The following NFKBIZ variants were observed in gnomAD, a reference collection of about 807,000 sequenced individuals.
The protein encoded by NFKBIZ is NF-kappa-B inhibitor zeta.
In NFKBIZ, 19 loss-of-function variants were observed where a neutral mutation model predicts 76.8. That is an observed-to-expected ratio of 0.25 (90% CI 0.17 to 0.36). The LOEUF is 0.36. Among genes scored for constraint, NFKBIZ ranks in the 10% least tolerant of loss-of-function variants. The pLI, the probability that NFKBIZ is intolerant of heterozygous loss-of-function variation, is 1.00. For synonymous variants in NFKBIZ, 368 were observed against 354.8 expected (o/e 1.04, Z -0.42); for missense variants, 829 against 910.9 (o/e 0.91, Z 1.16).
At chr3:101,857,748 G>C in intron 11 of NFKBIZ, 4 of 985,464 alleles carry the variant, frequency 4.1e-6, no homozygotes, top group Non-Finnish European at 4.8e-6. Context: ...GGTTCGGAAA[G>C]AGAAGATACC....
chr3:101,834,308 A>C (rs1417152631), intron 2 of NFKBIZ, among the ~76,000 whole-genome samples: 14 of 141,074 alleles, frequency 9.9e-5, no homozygotes, highest in African/African-American at 1.3e-4. Flanking sequence ...CCCTTCCCTT[A>C]CCTCCTTCTC....
intron 2 of NFKBIZ, among the ~76,000 whole-genome samples, chr3:101,839,758 T>C (rs1455385715): frequency 6.6e-6 from 1 of 152,202 alleles, no homozygotes; most frequent in African/African-American, 2.4e-5. Context: ...TCTTTGGGGT[T>C]AATTGCCTTC....
intron 2 of NFKBIZ, among the ~76,000 whole-genome samples, chr3:101,844,136 G>A (rs645781): frequency 0.79 from 119,981 of 152,118 alleles, 47,765 homozygotes; most frequent in African/African-American, 0.89. Context: ...GGGCAGTTCA[G>A]CTCACAACTC....
At chr3:101,830,414 G>T (rs1942632785) in intron 2 of NFKBIZ, among the ~76,000 whole-genome samples, 1 of 152,132 alleles carries the variant, frequency 6.6e-6, no homozygotes, top group Non-Finnish European at 1.5e-5. Flanking sequence ...GAGGTTTGGG[G>T]TACAACTGAT....
In NFKBIZ at chr3:101,857,087, C is replaced by A. The variant is rs1943060269; in HGVS notation, c.1839C>A (p.Gly613=). 6 of 1,611,462 alleles carry A rather than the reference C, an allele frequency of 3.7e-6. No homozygotes were observed. The highest frequency in any genetic ancestry group is 5.1e-6 in the Non-Finnish European group (6 of 1,178,290). The change falls in exon 10 of 12, where the codon GGC becomes GGA. Residue 613 remains glycine (G), a synonymous_variant. Coordinates refer to ENST00000326172, the MANE Select transcript of NFKBIZ (RefSeq NM_031419.4). ...AAVEAKDRKS[G]RTALHLAAEE... Reference sequence around the variant, plus strand: ...CCTTTGACAAGGATCGCAAAAGTGGCCGCACAGCCCTGCATTTGGCAGCTG... The same window carrying A: ...CCTTTGACAAGGATCGCAAAAGTGGACGCACAGCCCTGCATTTGGCAGCTG...
chr3:101,845,622 G>A, upstream of NFKBIZ, among the ~76,000 whole-genome samples: 1 of 152,006 alleles, frequency 6.6e-6, no homozygotes, highest in East Asian at 1.9e-4. Context: ...TTCCTTTTTT[G>A]AAACTCTGGA....
chr3:101,855,893 G>A lies in NFKBIZ; in HGVS notation c.1815G>A (p.Val605=). 1 of 1,604,426 alleles carries A rather than the reference G, an allele frequency of 6.2e-7. No homozygotes were observed. The highest frequency in any genetic ancestry group is 2.2e-5 in the East Asian group (1 of 44,728). ...GCCTAATTCAAATGGGAGCAGCGGT[G>A]GAAGCGAAGGTAAATTCACAGAAAA... ...IKCLIQMGAA[V]EAKDRKSGRT... Residue 605 remains valine, a synonymous_variant, in exon 9 of 12, where the codon GTG becomes GTA. Transcript: ENST00000326172.
At chr3:101,850,841 G>A (rs761386777) in intron 1 of NFKBIZ, among the ~76,000 whole-genome samples, 2 of 152,170 alleles carry the variant, frequency 1.3e-5, no homozygotes, top group Non-Finnish European at 2.9e-5. Context: ...AAACCACTGC[G>A]TAGCAGATCC....
At chr3:101,834,250 C>T (rs1404870845) in intron 2 of NFKBIZ, among the ~76,000 whole-genome samples, 1 of 152,072 alleles carries the variant, frequency 6.6e-6, no homozygotes, top group Admixed American at 6.6e-5. Context: ...TCCTCAAGGC[C>T]TTGGAGTTAC....
chr3:101,854,979 C>T, intron 6 of NFKBIZ, 83 bp from the exon 7 acceptor site: 2 of 1,413,708 alleles, frequency 1.4e-6, no homozygotes, highest in South Asian at 2.9e-5. Context: ...TGGGTTTTTC[C>T]CTCAGTCATA....
upstream of NFKBIZ, chr3:101,849,481 C>A (rs1037132332): frequency 1.9e-5 from 12 of 624,952 alleles, no homozygotes; most frequent in Non-Finnish European, 2.7e-5. Flanking sequence ...CGCTGCGGCC[C>A]GTTAAATACC....
At chr3:101,848,766 G>T (rs1942890830), upstream of NFKBIZ, 1 of 152,184 alleles carries the variant, frequency 6.6e-6, no homozygotes. Flanking sequence ...TGCTAAGATG[G>T]CTTTGTTCTA....
At chr3:101,836,283 C>T (rs998803452) in intron 2 of NFKBIZ, among the ~76,000 whole-genome samples, 3 of 152,168 alleles carry the variant, frequency 2.0e-5, no homozygotes, top group Admixed American at 2.0e-4. Context: ...TCAAAAAGGA[C>T]AAGAGACAAG....
chr3:101,857,402 G>A lies in NFKBIZ; in HGVS notation c.2046G>A (p.Arg682=), dbSNP rs984185860. 8 of 1,614,108 alleles carry A rather than the reference G, an allele frequency of 5.0e-6. No individual in the cohort carries two copies. The African/African-American group carries it at 8.0e-5, about 16-fold the overall frequency. The part of the protein sequence containing the change: ...LMRKGADPST[R]NLENEQPVHL... ...GGAAGGGAGCAGACCCAAGTACTCG[G>A]AACTTGGAGAACGAACAGCCAGTGC... is the stretch of plus-strand genomic sequence containing the variant. The change falls in exon 11 of 12, where the codon CGG becomes CGA. Residue 682 remains arginine (R), a synonymous_variant. Coordinates refer to ENST00000326172, the MANE Select transcript of NFKBIZ (RefSeq NM_031419.4).
chr3:101,842,798 A>T (rs549126935), intron 2 of NFKBIZ, among the ~76,000 whole-genome samples: 2 of 151,534 alleles, frequency 1.3e-5, no homozygotes, highest in African/African-American at 4.8e-5. Flanking sequence ...TAAGTGGGCA[A>T]GGCTGGATGG....
chr3:101,849,666 G>T lies in NFKBIZ; in HGVS notation c.38G>T (p.Gly13Val), dbSNP rs927522215. Residue 13 changes from glycine to valine, a missense_variant, in exon 1 of 12, where the codon GGA (glycine) becomes GTA (valine). Gly to Val is a moderately radical substitution (Grantham distance 109). Transcript: ENST00000326172. ...VDKLLDDSRG[G>V]EGLRDAAGGC... ...AAGCTGCTGGACGACAGCCGCGGCG[G>T]AGAGGGGCTGCGGGACGCGGCGGGC... The T allele has an allele frequency of 7.1e-7, 1 of 1,403,074 alleles. No individual in the cohort carries two copies. The highest frequency in any genetic ancestry group is 9.2e-7 in the Non-Finnish European group (1 of 1,087,520). 86.9% of individuals were successfully genotyped at this position (1,403,074 alleles called of 1,614,324 possible). A position where few individuals can be genotyped will look rare whatever the true frequency, so the allele number is the denominator to read the frequency against.
chr3:101,860,932 A>G lies in NFKBIZ; in HGVS notation c.*1561A>G, dbSNP rs965737862. On this transcript the variant is annotated 3_prime_UTR_variant, in exon 12 of 12. Transcript: ENST00000326172. ...TATGTCTTGTAGACACGTTAGTTAT[A>G]ATCACCTTGTATCTCTAAATATGGT... The G allele has an allele frequency of 2.0e-5, 3 of 152,080 alleles. No individual in the cohort carries two copies. Among genetic ancestry groups the G allele is most frequent in the East Asian group, 1.9e-4 (1 of 5,202 alleles). The allele number at this position is 152,080 out of a possible 1,614,324, so 9.4% of individuals were successfully genotyped here. A position where few individuals can be genotyped will look rare whatever the true frequency, so the allele number is the denominator to read the frequency against.
chr3:101,860,199 C>T lies in NFKBIZ; in HGVS notation c.*828C>T, dbSNP rs1387508406. 1.3e-5 allele frequency: 2 copies of T among 150,148 alleles called. No homozygotes were observed. Among genetic ancestry groups the T allele is most frequent in the African/African-American group, 2.5e-5 (1 of 40,800 alleles). The allele number at this position is 150,148 out of a possible 1,614,324, so 9.3% of individuals were successfully genotyped here. A position where few individuals can be genotyped will look rare whatever the true frequency, so the allele number is the denominator to read the frequency against. On this transcript the variant is annotated 3_prime_UTR_variant, in exon 12 of 12. Coordinates refer to ENST00000326172, the MANE Select transcript of NFKBIZ (RefSeq NM_031419.4). Reference sequence around the variant, plus strand: ...TGCATGCTTTTTTTTTTTTTTCTCCCGAGACAGGGTCTTGCTCTGGCGCCC... The same window carrying T: ...TGCATGCTTTTTTTTTTTTTTCTCCTGAGACAGGGTCTTGCTCTGGCGCCC...
chr3:101,849,518 T>G lies in NFKBIZ; in HGVS notation c.-111T>G, dbSNP rs989438092. The G allele has an allele frequency of 3.2e-5, 31 of 956,666 alleles. No individual in the cohort carries two copies. The African/African-American group carries it at 5.1e-4, about 16-fold the overall frequency. 59.3% of individuals were successfully genotyped at this position (956,666 alleles called of 1,614,324 possible). ...TGGCAGTCCCGCGCCGCGCCCGTAC[T>G]GGCCCGCGCCGTCCGCCCGCCGACA... On this transcript the variant is annotated 5_prime_UTR_variant, in exon 1 of 12. Transcript: ENST00000326172.
Sources: gnomAD v4.1 joint callset for allele counts (sites outside exome capture counted in the v4.1 genomes callset) on GRCh38, gnomAD v4.1.1 for gene constraint, MANE v1.5 for transcripts, NCBI Gene and HGNC (gene_info 2026-07-23, HGNC 2026-07-21) for gene names.